Variants in ADSS1 observed in about 807,000 individuals in gnomAD.
The protein encoded by ADSS1 is adenylosuccinate synthetase isozyme 1.
In ADSS1, 57 loss-of-function variants were observed where a neutral mutation model predicts 59.1. That is an observed-to-expected ratio of 0.97 (90% CI 0.78 to 1.20). The LOEUF (loss-of-function observed/expected upper bound fraction) is 1.20. Ranked by LOEUF, ADSS1 falls within the 50% of genes most tolerant of loss-of-function variation. ADSS1 has a pLI of 0.00. For missense variants in ADSS1, 603 were observed against 610.3 expected (o/e 0.99, Z 0.13); for synonymous variants, 247 against 249.4 (o/e 0.99, Z 0.09).
rs1240729378 is a variant in ADSS1, at chr14:104,730,963, G to GC, written c.193-4057_193-4056insC. Among the ~76,000 whole-genome samples, 3 of 115,306 alleles carry GC rather than the reference G, an allele frequency of 2.6e-5. 1 individual carries two copies. Among genetic ancestry groups the GC allele is most frequent in the Non-Finnish European group, 6.0e-5 (3 of 50,172 alleles). The allele number at this position is 115,306 out of a possible 152,430, so 75.6% of individuals were successfully genotyped here. A position where few individuals can be genotyped will look rare whatever the true frequency, so the allele number is the denominator to read the frequency against. On this transcript the variant is annotated intron_variant, in intron 1 of 12. Coordinates refer to ENST00000330877, the MANE Select transcript of ADSS1 (RefSeq NM_152328.5). ...AAGCCAGACTAGGCAGAGAGTGGGGGGGGGGGGGGGGCTCAGTGTCCGTGG... is the reference window on the plus strand; with the variant it reads ...AAGCCAGACTAGGCAGAGAGTGGGGGCGGGGGGGGGGGCTCAGTGTCCGTGG...
At chr14:104,735,174 G>T (rs1307193345) in intron 2 of ADSS1, 52 bp downstream of exon 2, 2 of 1,511,352 alleles carry the variant, frequency 1.3e-6, no homozygotes, top group Non-Finnish European at 1.8e-6. Context: ...GTGTCAGCCA[G>T]CCCAGGAGCC....
intron 1 of ADSS1, among the ~76,000 whole-genome samples, chr14:104,733,983 C>G (rs915759500): frequency 3.9e-5 from 6 of 152,214 alleles, no homozygotes; most frequent in African/African-American, 1.4e-4. Flanking sequence ...CCTCCAGGCT[C>G]TGTCACACTG....
intron 1 of ADSS1, among the ~76,000 whole-genome samples, chr14:104,733,487 C>T (rs1378360343): frequency 6.6e-6 from 1 of 152,210 alleles, no homozygotes; most frequent in East Asian, 1.9e-4. Context: ...AACTCTTGTC[C>T]AGATGCATCG....
chr14:104,735,429 T>C (rs1235260221), intron 2 of ADSS1, among the ~76,000 whole-genome samples: 1 of 152,206 alleles, frequency 6.6e-6, no homozygotes, highest in Non-Finnish European at 1.5e-5. Flanking sequence ...ATGCACATAC[T>C]TCCTGTGTGG....
At chr14:104,741,323 G>T (rs1423893440) in intron 8 of ADSS1, 80 bp downstream of exon 8, 2 of 1,491,524 alleles carry the variant, frequency 1.3e-6, no homozygotes, top group South Asian at 2.8e-5. Flanking sequence ...CGTGGGAACC[G>T]ATGGGGGAGG....
intron 1 of ADSS1, among the ~76,000 whole-genome samples, chr14:104,728,235 A>G (rs1192802738): frequency 6.6e-5 from 10 of 152,086 alleles, no homozygotes. Flanking sequence ...TCAGAGGGGC[A>G]GCTGCCTTGG....
rs367894780 is a variant in ADSS1, at chr14:104,741,089, C to G, written c.667-28C>G. The G allele has an allele frequency of 6.3e-6, 10 of 1,589,144 alleles. No homozygotes were observed. In the African/African-American group the frequency reaches 8.1e-5, roughly 13 times the overall value. ...CCTCCCCTGCCCCAGGCCACAGGCTCACTCTGCTGCTTGGCCCTTCCTTGC... is the reference window on the plus strand; with the variant it reads ...CCTCCCCTGCCCCAGGCCACAGGCTGACTCTGCTGCTTGGCCCTTCCTTGC... On this transcript the variant is annotated intron_variant, in intron 7 of 12. Transcript: ENST00000330877.
chr14:104,728,624 C>T (rs1460085574), intron 1 of ADSS1, among the ~76,000 whole-genome samples: 1 of 152,236 alleles, frequency 6.6e-6, no homozygotes, highest in Non-Finnish European at 1.5e-5. Context: ...GCCCCTTGCT[C>T]TGTGCCGGGC....
chr14:104,727,889 C>G (rs1313611982), intron 1 of ADSS1, among the ~76,000 whole-genome samples: 3 of 152,222 alleles, frequency 2.0e-5, no homozygotes, highest in East Asian at 1.9e-4. Flanking sequence ...GTGCTGACCT[C>G]AGGGCACTGG....
Position 104,747,272 on chromosome 14 carries a change from G to C in ADSS1, c.*269G>C, listed in dbSNP as rs1891601259. 6.2e-6 allele frequency: 2 copies of C among 322,084 alleles called. No individual in the cohort carries two copies. The highest frequency in any genetic ancestry group is 1.1e-5 in the Non-Finnish European group (2 of 174,846). 20.0% of individuals were successfully genotyped at this position (322,084 alleles called of 1,614,324 possible). A position where few individuals can be genotyped will look rare whatever the true frequency, so the allele number is the denominator to read the frequency against. On this transcript the variant is annotated 3_prime_UTR_variant, in exon 13 of 13. Transcript: ENST00000330877. ...TTAGTGTCACATGGTTGCGTGTCCA[G>C]CCGAAGCAGTGTAATAAACATCTCC...
chr14:104,736,916 A>ATT (rs1419314352), intron 2 of ADSS1, among the ~76,000 whole-genome samples: 2 of 127,770 alleles, frequency 1.6e-5, no homozygotes, highest in African/African-American at 6.0e-5. Context: ...ATATATATGC[A>ATT]TTTTTTTTTT....
intron 3 of ADSS1, 112 bp from the exon 4 acceptor site, chr14:104,739,216 T>C: frequency 1.7e-6 from 2 of 1,164,760 alleles, no homozygotes. Flanking sequence ...GCCTCCTCCC[T>C]GCATGCCTTA....
At chr14:104,738,529 G>A in intron 3 of ADSS1, 91 bp downstream of exon 3, 3 of 1,438,840 alleles carry the variant, frequency 2.1e-6, no homozygotes, top group Non-Finnish European at 2.9e-6. Flanking sequence ...TTCTCCCACG[G>A]AGGGGACTGG....
rs919671382 is a variant in ADSS1, at chr14:104,747,113, T to C, written c.*110T>C. ...CCAACACCAAAGCAGGAAAACCATT[T>C]TCTGTACTTTTATATTTCTGTTCAA... On this transcript the variant is annotated 3_prime_UTR_variant, in exon 13 of 13. Coordinates refer to ENST00000330877, the MANE Select transcript of ADSS1 (RefSeq NM_152328.5). 3.8e-5 allele frequency: 37 copies of C among 962,580 alleles called. No individual in the cohort carries two copies. The highest frequency in any genetic ancestry group is 5.3e-5 in the Non-Finnish European group (35 of 655,028). The allele number at this position is 962,580 out of a possible 1,614,324, so 59.6% of individuals were successfully genotyped here.
intron 12 of ADSS1, 124 bp downstream of exon 12, chr14:104,746,509 A>G (rs1170110241): frequency 1.5e-6 from 2 of 1,336,234 alleles, no homozygotes; most frequent in Non-Finnish European, 1.0e-6. Context: ...AATATATTGC[A>G]TGGCAGGAGG....
rs1223937454 is a variant in ADSS1 at position 104,746,911 on chromosome 14, C to T, written c.1322-40C>T. The T allele has an allele frequency of 3.7e-6, 6 of 1,607,058 alleles. No homozygotes were observed. The African/African-American group carries it at 6.7e-5, about 18-fold the overall frequency. On this transcript the variant is annotated intron_variant, in intron 12 of 12. Transcript: ENST00000330877. ...AAGACAACTTTTTCTGAACTTTCTG[C>T]CTCCAGTGTGTATCATAACAGTCTT...
rs558001982 is a variant in ADSS1, at chr14:104,724,367, G to C, written c.97G>C (p.Val33Leu). The C allele has an allele frequency of 7.2e-5, 90 of 1,251,350 alleles. No individual in the cohort carries two copies. The East Asian group carries it at 2.5e-3, about 34-fold the overall frequency. 77.5% of individuals were successfully genotyped at this position (1,251,350 alleles called of 1,614,324 possible). A position where few individuals can be genotyped will look rare whatever the true frequency, so the allele number is the denominator to read the frequency against. ...QQEAAATGSRVTVVLGAQWGD... is the reference protein window; with the variant it reads ...QQEAAATGSRLTVVLGAQWGD... ...GGAGGCGGCGGCGACCGGCTCCCGC[G>C]TGACGGTGGTGCTGGGCGCGCAGTG... The change falls in exon 1 of 13, where the codon GTG (valine) becomes CTG (leucine). Residue 33 changes from valine to leucine, a missense_variant. Physicochemically the swap from Val to Leu is conservative, Grantham distance 32. Transcript: ENST00000330877.
At chr14:104,734,027 C>T (rs1407183904) in intron 1 of ADSS1, among the ~76,000 whole-genome samples, 1 of 152,224 alleles carries the variant, frequency 6.6e-6, no homozygotes, top group Non-Finnish European at 1.5e-5. Context: ...GGCATAAAGA[C>T]CAAAAGGTGC....
In ADSS1 at chr14:104,724,391, TG is replaced by T; in HGVS notation, c.127del (p.Asp43ThrfsTer79). On this transcript the variant is annotated frameshift_variant, in exon 1 of 13. Transcript: ENST00000330877. LOFTEE classifies it high-confidence loss of function. ...SRVTVVLGAQWGDEGKGKVVD... is the reference protein window; with the variant it reads ...SRVTVVLGAQXGDEGKGKVVD... ...CGTGACGGTGGTGCTGGGCGCGCAGTGGGGGGACGAGGGCAAAGGCAAGGTG... is the reference window on the plus strand; with the variant it reads ...CGTGACGGTGGTGCTGGGCGCGCAGTGGGGGACGAGGGCAAAGGCAAGGTG... The T allele has an allele frequency of 3.2e-6, 4 of 1,259,546 alleles. No individual in the cohort carries two copies. The allele number at this position is 1,259,546 out of a possible 1,614,324, so 78.0% of individuals were successfully genotyped here. A position where few individuals can be genotyped will look rare whatever the true frequency, so the allele number is the denominator to read the frequency against.
Sources: allele counts gnomAD v4.1 joint callset (sites outside exome capture counted in the v4.1 genomes callset), GRCh38; gene constraint gnomAD v4.1.1; transcripts MANE v1.5; gene names NCBI Gene and HGNC (gene_info 2026-07-23, HGNC 2026-07-21).